The following BLTP3B variants were observed in gnomAD, a reference collection of about 807,000 sequenced individuals.
BLTP3B encodes the protein bridge-like lipid transfer protein family member 3B, also known as UHRF1 (ICBP90) binding protein 1-like.
the BLTP3B span, among the ~76,000 whole-genome samples, chr12:100,121,801 C>G: frequency 1.3e-5 from 2 of 152,114 alleles, no homozygotes; most frequent in African/African-American, 4.8e-5. Flanking sequence ...TGCACTCCAG[C>G]CTGGGCAACA....
At chr12:100,130,229 G>C in the BLTP3B span, among the ~76,000 whole-genome samples, 1 of 152,114 alleles carries the variant, frequency 6.6e-6, no homozygotes, top group African/African-American at 2.4e-5. Context: ...CAAAGTGCTA[G>C]GATTACAGGT....
At chr12:100,125,973 G>A in the BLTP3B span, among the ~76,000 whole-genome samples, 7 of 152,190 alleles carry the variant, frequency 4.6e-5, no homozygotes, top group East Asian at 1.4e-3. Context: ...TCTCTTAACA[G>A]TAAAGTAGAT....
the BLTP3B span, among the ~76,000 whole-genome samples, chr12:100,039,015 T>C: frequency 0.066 from 10,073 of 152,206 alleles, 865 homozygotes; most frequent in African/African-American, 0.2. Flanking sequence ...AGTTCTTCAA[T>C]AGTCACGGAT....
the BLTP3B span, chr12:100,108,345 G>C: frequency 6.4e-7 from 1 of 1,573,446 alleles, no homozygotes; most frequent in Non-Finnish European, 8.6e-7. Flanking sequence ...AAACATGAAA[G>C]GCCTTCCACA....
At chr12:100,047,806 C>A in the BLTP3B span, 1 of 1,156,706 alleles carries the variant, frequency 8.6e-7, no homozygotes, top group Non-Finnish European at 1.2e-6. Flanking sequence ...ATCTCTACAT[C>A]ATTTACCAAA....
chr12:100,057,966 T>A, the BLTP3B span: 1 of 1,502,702 alleles, frequency 6.7e-7, no homozygotes, highest in Non-Finnish European at 8.9e-7. Context: ...CAAAATACAC[T>A]CATAGGCACA....
the BLTP3B span, chr12:100,051,287 CTTAT>C: frequency 5.7e-5 from 81 of 1,415,710 alleles, no homozygotes; most frequent in Middle Eastern, 9.6e-4. Context: ...ACACTGTATG[CTTAT>C]TTAACAAAAA....
At chr12:100,059,976 T>A in the BLTP3B span, 4 of 1,613,146 alleles carry the variant, frequency 2.5e-6, no homozygotes, top group South Asian at 4.4e-5. Flanking sequence ...GATTTAACCA[T>A]AGAATGCTTC....
At chr12:100,114,382 C>G in the BLTP3B span, among the ~76,000 whole-genome samples, 3 of 152,126 alleles carry the variant, frequency 2.0e-5, no homozygotes, top group Non-Finnish European at 2.9e-5. Flanking sequence ...ATAGCCACAA[C>G]GTTTAGAACT....
the BLTP3B span, among the ~76,000 whole-genome samples, chr12:100,054,303 A>C: frequency 6.6e-6 from 1 of 152,322 alleles, no homozygotes; most frequent in South Asian, 2.1e-4. Context: ...ATAATATGAC[A>C]GCAAACATAC....
At chr12:100,116,164 T>G in the BLTP3B span, among the ~76,000 whole-genome samples, 2 of 131,634 alleles carry the variant, frequency 1.5e-5, no homozygotes, top group Non-Finnish European at 3.1e-5. Flanking sequence ...AGAATGAGAC[T>G]GTCTCAAAAA....
chr12:100,137,260 C>T, the BLTP3B span, among the ~76,000 whole-genome samples: 6 of 152,050 alleles, frequency 3.9e-5, no homozygotes, highest in South Asian at 2.1e-4. Context: ...AATCCTTTGA[C>T]GGTTCTTTCC....
the BLTP3B span, among the ~76,000 whole-genome samples, chr12:100,103,712 A>G: frequency 1.3e-5 from 2 of 152,182 alleles, no homozygotes; most frequent in South Asian, 4.1e-4. Context: ...CTAGACCTGA[A>G]AAACTTTAAA....
chr12:100,111,042 G>C, the BLTP3B span, among the ~76,000 whole-genome samples: 1 of 151,594 alleles, frequency 6.6e-6, no homozygotes, highest in Non-Finnish European at 1.5e-5. Flanking sequence ...ATATCTACAA[G>C]AAAAAAAGAG....
chr12:100,072,062 A>G, the BLTP3B span, among the ~76,000 whole-genome samples: 1 of 152,212 alleles, frequency 6.6e-6, no homozygotes, highest in Non-Finnish European at 1.5e-5. Flanking sequence ...GGAGTTCAAG[A>G]TCAGCCTGGC....
At chr12:100,101,112 T>C in the BLTP3B span, among the ~76,000 whole-genome samples, 75 of 152,206 alleles carry the variant, frequency 4.9e-4, no homozygotes, top group Non-Finnish European at 9.4e-4. Context: ...AACTATTCTA[T>C]GAAAACTGAA....
the BLTP3B span, chr12:100,057,964 A>C: frequency 6.0e-6 from 9 of 1,491,988 alleles, no homozygotes; most frequent in Non-Finnish European, 8.0e-6. Context: ...AACAAAATAC[A>C]CTCATAGGCA....
chr12:100,108,161 T>C, the BLTP3B span, among the ~76,000 whole-genome samples: 2 of 152,214 alleles, frequency 1.3e-5, no homozygotes, highest in African/African-American at 2.4e-5. Context: ...GAAATATTAA[T>C]GGAATCACTT....
At chr12:100,086,334 C>G in the BLTP3B span, 1 of 1,583,032 alleles carries the variant, frequency 6.3e-7, no homozygotes, top group South Asian at 1.2e-5. Context: ...TTGCATTGCC[C>G]CTCCAGTAAT....
Sources: gnomAD v4.1 joint callset for allele counts (sites outside exome capture counted in the v4.1 genomes callset) on GRCh38, gnomAD v4.1.1 for gene constraint, MANE v1.5 for transcripts, NCBI Gene and HGNC (gene_info 2026-07-23, HGNC 2026-07-21) for gene names.